PANK1: variants seen among roughly 807,000 people sequenced by gnomAD.
PANK1 encodes pantothenic acid kinase 1.
In PANK1, 18 loss-of-function variants were observed where a neutral mutation model predicts 40.1. The observed-to-expected ratio is 0.45, with a 90% CI of 0.31 to 0.67. The LOEUF is 0.67. Among genes scored for constraint, PANK1 ranks in the 30% least tolerant of loss-of-function variants. The probability of loss-of-function intolerance (pLI) is 0.06; values close to 1 mark genes in which losing one functional copy is unlikely to be tolerated. For synonymous variants in PANK1, 242 were observed against 237.7 expected (o/e 1.02, Z -0.17); for missense variants, 457 against 599.6 (o/e 0.76, Z 2.48).
At chr10:89,611,449 T>A (rs117559735) in intron 2 of PANK1, among the ~76,000 whole-genome samples, 555 of 152,360 alleles carry the variant, frequency 3.6e-3, no homozygotes, top group Non-Finnish European at 6.8e-3. Context: ...ATTGAAATGA[T>A]GATGATAACT....
intron 1 of PANK1, among the ~76,000 whole-genome samples, chr10:89,628,897 C>T (rs556766547): frequency 2.6e-5 from 4 of 152,114 alleles, no homozygotes; most frequent in South Asian, 2.1e-4. Context: ...TGTAAACATG[C>T]GCTTCCCAGG....
At chr10:89,644,019 C>T (rs1842037740) in intron 1 of PANK1, 1 of 403,682 alleles carries the variant, frequency 2.5e-6, no homozygotes. Context: ...GGGTGTGTCC[C>T]TCCCAAAAAA....
intron 5 of PANK1, 96 bp downstream of exon 5, chr10:89,593,101 A>C: frequency 8.1e-7 from 1 of 1,237,396 alleles, no homozygotes; most frequent in Non-Finnish European, 1.2e-6. Flanking sequence ...AGCTTTCCTA[A>C]GGATATGTAG....
At position 89,588,768 on chromosome 10, in the gene PANK1, T is replaced by C; in HGVS notation, c.1210A>G (p.Arg404Gly). 6 of 1,589,224 alleles carry C rather than the reference T, an allele frequency of 3.8e-6. No individual in the cohort carries two copies. The highest frequency in any genetic ancestry group is 5.1e-6 in the Non-Finnish European group (6 of 1,170,246). The stretch of plus-strand genomic sequence containing the variant: ...AGAAAATTTCCAACAAACACAACTC[T>C]GTCTATGTTCTGGAAAAAATATTAA... Reference protein sequence around the residue: ...RMCALNENIDRVVFVGNFLRI... With the variant: ...RMCALNENIDGVVFVGNFLRI... Residue 404 changes from arginine to glycine, a missense_variant, in exon 6 of 7, where the codon AGA becomes GGA. Physicochemically the swap from Arg to Gly is moderately radical, Grantham distance 125. Transcript: ENST00000307534.
intron 5 of PANK1, among the ~76,000 whole-genome samples, chr10:89,590,103 A>AG (rs950510077): frequency 2.0e-5 from 3 of 151,912 alleles, no homozygotes; most frequent in African/African-American, 7.2e-5. Context: ...TGGAAAAAAA[A>AG]GTTGAAGTAG....
rs1213094567 is a variant in PANK1 at position 89,611,912 on chromosome 10, A to G, written c.429T>C (p.Asn143=). ...GGATCCCAGTTTTCCCATAAGCAGT[A>G]TTAGAAGTCAAATACTTCCGGATGC... ...LKSIRKYLTS[N]TAYGKTGIRD... The change falls in exon 2 of 7, where the codon AAT becomes AAC. Residue 143 remains asparagine (N), a synonymous_variant. Coordinates refer to ENST00000307534, the MANE Select transcript of PANK1 (RefSeq NM_148977.3). The G allele has an allele frequency of 6.2e-7, 1 of 1,614,100 alleles. No homozygotes were observed. Among genetic ancestry groups the G allele is most frequent in the East Asian group, 2.2e-5 (1 of 44,904 alleles).
At chr10:89,625,877 T>C (rs1395284280) in intron 1 of PANK1, 1 of 152,104 alleles carries the variant, frequency 6.6e-6, no homozygotes, top group Non-Finnish European at 1.5e-5. Flanking sequence ...GACCCAAAAA[T>C]GTCAAATCCA....
intron 1 of PANK1, among the ~76,000 whole-genome samples, chr10:89,636,343 T>TTATTATTA (rs1554843177): frequency 0.011 from 1,594 of 148,986 alleles, 12 homozygotes; most frequent in Middle Eastern, 0.028. Context: ...TATTATTATT[T>TTATTATTA]TTAATTTTTA....
intron 2 of PANK1, 84 bp from the exon 3 acceptor site, chr10:89,599,589 G>C (rs932085141): frequency 6.8e-6 from 9 of 1,317,038 alleles, no homozygotes; most frequent in Non-Finnish European, 9.4e-6. Flanking sequence ...ATTTAAGATG[G>C]GGTCATTCAC....
intron 4 of PANK1, 37 bp downstream of exon 4, chr10:89,593,776 G>A: frequency 6.5e-7 from 1 of 1,531,810 alleles, no homozygotes; most frequent in Non-Finnish European, 9.0e-7. Context: ...GCTGCCTTGT[G>A]TTTAATCACT....
In PANK1 at chr10:89,636,275, A is replaced by T. The variant is rs924863828; in HGVS notation, c.292+8325T>A. 3.9e-5 allele frequency among the ~76,000 whole-genome samples: 6 copies of T among 152,044 alleles called. No homozygotes were observed. In the East Asian group the frequency reaches 5.8e-4, roughly 15 times the overall value. ...TGCCTGGGCCATCAGGCTGTCTATG[A>T]CATTCTTTGGAATCTAGCTGGAGAA... is the stretch of plus-strand genomic sequence containing the variant. On this transcript the variant is annotated intron_variant, in intron 1 of 6. Transcript: ENST00000307534.
Position 89,616,650 on chromosome 10 carries a change from C to T in PANK1, c.293-4602G>A, listed in dbSNP as rs578038597. On this transcript the variant is annotated intron_variant, in intron 1 of 6. Coordinates refer to ENST00000307534, the MANE Select transcript of PANK1 (RefSeq NM_148977.3). ...ATCTCTTAAAAAAAAAAGACAGGCG[C>T]GGTGGTTCACGCCTGTAATCCCAGC... 1.3e-3 allele frequency among the ~76,000 whole-genome samples: 196 copies of T among 152,088 alleles called. 2 individuals are homozygous for T. Among genetic ancestry groups the T allele is most frequent in the African/African-American group, 4.3e-3 (177 of 41,500 alleles).
At chr10:89,629,402 T>A (rs1841567017) in intron 1 of PANK1, among the ~76,000 whole-genome samples, 1 of 152,248 alleles carries the variant, frequency 6.6e-6, no homozygotes, top group African/African-American at 2.4e-5. Context: ...AGAAAAGGGA[T>A]TAAAACTTTA....
rs116679752 is a variant in PANK1, at chr10:89,600,638, T to C, written c.646-1133A>G. ...CTATTATGTTCCTGTGAGACAAAAATGTACAGGGGCAAAAAGGTAAAGGGG... is the reference window on the plus strand; with the variant it reads ...CTATTATGTTCCTGTGAGACAAAAACGTACAGGGGCAAAAAGGTAAAGGGG... On this transcript the variant is annotated intron_variant, in intron 2 of 6. Coordinates refer to ENST00000307534, the MANE Select transcript of PANK1 (RefSeq NM_148977.3). Among the ~76,000 whole-genome samples the C allele has an allele frequency of 2.3e-3, 350 of 152,174 alleles. 1 individual carries two copies. The highest frequency in any genetic ancestry group is 7.7e-3 in the African/African-American group (320 of 41,516).
At chr10:89,599,194 T>C in intron 3 of PANK1, 58 bp downstream of exon 3, 2 of 1,506,990 alleles carry the variant, frequency 1.3e-6, no homozygotes, top group Non-Finnish European at 1.8e-6. Context: ...AACCTTTTAC[T>C]ATAAACTGGT....
intron 1 of PANK1, among the ~76,000 whole-genome samples, chr10:89,624,526 C>A (rs1225593070): frequency 6.6e-6 from 1 of 152,200 alleles, no homozygotes. Context: ...TGATACCATA[C>A]CACCATCCAC....
At chr10:89,579,637 A>G (rs1441414880), downstream of PANK1, 1 of 152,226 alleles carries the variant, frequency 6.6e-6, no homozygotes, top group African/African-American at 2.4e-5. Context: ...AGGTGAGCCC[A>G]TCATTCCTTA....
intron 5 of PANK1, among the ~76,000 whole-genome samples, chr10:89,590,589 CAT>C (rs548871783): frequency 1.9e-3 from 291 of 152,204 alleles, no homozygotes; most frequent in African/African-American, 6.4e-3. Context: ...AAATAATATA[CAT>C]GTGTGTACAT....
At chr10:89,639,502 T>C (rs1007672010) in intron 1 of PANK1, among the ~76,000 whole-genome samples, 4 of 152,240 alleles carry the variant, frequency 2.6e-5, no homozygotes, top group Non-Finnish European at 4.4e-5. Flanking sequence ...ATTTTCCACA[T>C]TGGGTTCTTA....
Sources: allele counts gnomAD v4.1 joint callset (sites outside exome capture counted in the v4.1 genomes callset), GRCh38; gene constraint gnomAD v4.1.1; transcripts MANE v1.5; gene names NCBI Gene and HGNC (gene_info 2026-07-23, HGNC 2026-07-21).